HLCS: variants seen among roughly 807,000 people sequenced by gnomAD.
HLCS encodes biotin--protein ligase.
A neutral mutation model predicts 75.0 loss-of-function variants in HLCS; 53 were observed. The observed-to-expected ratio is 0.71, with a 90% CI of 0.57 to 0.89. HLCS has a LOEUF of 0.89. Among genes scored for constraint, HLCS ranks in the 40% least tolerant of loss-of-function variants. HLCS has a pLI of 0.00. For synonymous variants in HLCS, 431 were observed against 428.6 expected (o/e 1.01, Z -0.07); for missense variants, 966 against 1,074.0 (o/e 0.90, Z 1.41).
chr21:36,850,877 C>G (rs754339338), intron 6 of HLCS, among the ~76,000 whole-genome samples: 6 of 152,168 alleles, frequency 3.9e-5, no homozygotes, highest in Non-Finnish European at 5.9e-5. Context: ...TCGGGGTCTA[C>G]AAGCCAGCCA....
At chr21:36,825,393 AAAT>A (rs2061975337) in intron 6 of HLCS, among the ~76,000 whole-genome samples, 1 of 152,016 alleles carries the variant, frequency 6.6e-6, no homozygotes, top group Non-Finnish European at 1.5e-5. Context: ...ATCTCAATTA[AAAT>A]AATAATAATT....
intron 2 of HLCS, among the ~76,000 whole-genome samples, chr21:36,959,089 C>T (rs1397261303): frequency 1.3e-5 from 2 of 152,174 alleles, no homozygotes; most frequent in Non-Finnish European, 2.9e-5. Context: ...TAACTGCAGC[C>T]TCCCAGCCAC....
At position 36,862,121 on chromosome 21, in the gene HLCS, G is replaced by C. The variant is rs148673424; in HGVS notation, c.1892+34739C>G. On this transcript the variant is annotated intron_variant, in intron 6 of 10. Transcript: ENST00000674895. ...TTCATCCATGGTACAGCATGCATCA[G>C]TACTGCATTCCTTTTTATGGCTCAA... is the stretch of plus-strand genomic sequence containing the variant. 3.9e-5 allele frequency among the ~76,000 whole-genome samples: 6 copies of C among 152,352 alleles called. No individual in the cohort carries two copies. In the East Asian group the frequency reaches 1.2e-3, roughly 29 times the overall value.
upstream of HLCS, chr21:36,968,619 A>C (rs1214249505): frequency 6.6e-6 from 1 of 152,250 alleles, no homozygotes; most frequent in Non-Finnish European, 1.5e-5. Context: ...TCACTGGAGA[A>C]GGACGTGCAG....
chr21:36,930,321 G>T lies in HLCS; in HGVS notation c.1550C>A (p.Thr517Asn), dbSNP rs575286749. ...RYEVLREILT[T>N]LGLSCDMKQV... ...TTTCATGTCACAGCTGAGGCCAAGG[G>T]TTGTCAGAATCTCTCTAAGGACTTC... The change falls in exon 5 of 11, where the codon ACC (threonine) becomes AAC (asparagine). Residue 517 changes from threonine (T) to asparagine (N), a missense_variant. Physicochemically the swap from Thr to Asn is moderately conservative, Grantham distance 65. Transcript: ENST00000674895. 3 of 1,614,092 alleles carry T rather than the reference G, an allele frequency of 1.9e-6. No individual in the cohort carries two copies. The highest frequency in any genetic ancestry group is 2.5e-6 in the Non-Finnish European group (3 of 1,180,000).
rs887525386 is a variant in HLCS, at chr21:36,973,445, CT to C, written c.-392-11276del. Reference sequence around the variant, plus strand: ...TGATAAATATGAAAAAGTATGCAGTCTCAAAGTAGGTCCAAATTAAGACCTT... The same window carrying C: ...TGATAAATATGAAAAAGTATGCAGTCCAAAGTAGGTCCAAATTAAGACCTT... On this transcript the variant is annotated intron_variant, in intron 1 of 11. Transcript: ENST00000336648. Among the ~76,000 whole-genome samples, 8 of 152,230 alleles carry C rather than the reference CT, an allele frequency of 5.3e-5. No individual in the cohort carries two copies. The East Asian group carries it at 1.5e-3, about 29-fold the overall frequency.
intron 6 of HLCS, among the ~76,000 whole-genome samples, chr21:36,894,473 G>A (rs1316015374): frequency 1.3e-5 from 2 of 152,056 alleles, no homozygotes; most frequent in African/African-American, 2.4e-5. Context: ...TCCTTAAAAA[G>A]GCAACTGCCT....
At chr21:36,762,034 G>A (rs1006847838) in intron 8 of HLCS, among the ~76,000 whole-genome samples, 3 of 152,222 alleles carry the variant, frequency 2.0e-5, no homozygotes, top group Non-Finnish European at 4.4e-5. Context: ...ATTTCCACAT[G>A]AAGAGGAGGA....
chr21:36,970,444 G>A (rs2068753944), upstream of HLCS, among the ~76,000 whole-genome samples: 2 of 152,056 alleles, frequency 1.3e-5, no homozygotes, highest in South Asian at 4.2e-4. Flanking sequence ...TGTTGCCCAG[G>A]CTGGTTTCCA....
chr21:36,791,093 T>C (rs535607821), intron 6 of HLCS, among the ~76,000 whole-genome samples: 1 of 152,274 alleles, frequency 6.6e-6, no homozygotes, highest in African/African-American at 2.4e-5. Flanking sequence ...TGAATCATAA[T>C]AGAAAAAAAC....
chr21:36,893,507 C>T (rs535865245), intron 6 of HLCS, among the ~76,000 whole-genome samples: 8 of 152,304 alleles, frequency 5.3e-5, no homozygotes, highest in African/African-American at 1.9e-4. Flanking sequence ...AGCACTAAAA[C>T]AACAGTCCCC....
At chr21:36,819,003 G>T (rs1280684389) in intron 6 of HLCS, among the ~76,000 whole-genome samples, 1 of 152,088 alleles carries the variant, frequency 6.6e-6, no homozygotes, top group Non-Finnish European at 1.5e-5. Context: ...AAATTATAAA[G>T]CAACGTCGAT....
intron 5 of HLCS, among the ~76,000 whole-genome samples, chr21:36,914,026 G>C (rs1179799971): frequency 1.3e-5 from 2 of 152,224 alleles, no homozygotes; most frequent in Non-Finnish European, 2.9e-5. Context: ...GCAAGGGACT[G>C]AAGGAGCAAG....
intron 5 of HLCS, among the ~76,000 whole-genome samples, chr21:36,906,845 G>T (rs2146378226): frequency 6.6e-6 from 1 of 152,320 alleles, no homozygotes; most frequent in Non-Finnish European, 1.5e-5. Flanking sequence ...GGCACACAGA[G>T]ATAGGTATAG....
At chr21:36,934,979 G>C (rs2066813467) in intron 4 of HLCS, among the ~76,000 whole-genome samples, 1 of 152,098 alleles carries the variant, frequency 6.6e-6, no homozygotes, top group Admixed American at 6.6e-5. Context: ...GCAATGCACT[G>C]CAGTATCAAA....
intron 2 of HLCS, chr21:36,944,250 T>C (rs929781942): frequency 6.6e-6 from 1 of 152,170 alleles, no homozygotes; most frequent in South Asian, 2.1e-4. Flanking sequence ...AAACATTATG[T>C]TGAGTGGAGA....
intron 5 of HLCS, among the ~76,000 whole-genome samples, chr21:36,901,082 G>GA (rs1281533935): frequency 6.6e-6 from 1 of 152,100 alleles, no homozygotes; most frequent in Non-Finnish European, 1.5e-5. Context: ...CCAACATGGT[G>GA]AAACCCCACC....
At chr21:36,930,905 C>T (rs967021740) in intron 4 of HLCS, among the ~76,000 whole-genome samples, 1 of 152,202 alleles carries the variant, frequency 6.6e-6, no homozygotes, top group Non-Finnish European at 1.5e-5. Flanking sequence ...TGACCCTGGA[C>T]AGTCATCATC....
At chr21:36,888,924 G>A (rs761387063) in intron 6 of HLCS, among the ~76,000 whole-genome samples, 1 of 151,764 alleles carries the variant, frequency 6.6e-6, no homozygotes, top group Admixed American at 6.6e-5. Context: ...ACCACACATC[G>A]CTCCTATATC....
Sources: allele counts gnomAD v4.1 joint callset (sites outside exome capture counted in the v4.1 genomes callset), GRCh38; gene constraint gnomAD v4.1.1; transcripts MANE v1.5; gene names NCBI Gene and HGNC (gene_info 2026-07-23, HGNC 2026-07-21).